CSMD1: variants seen among roughly 807,000 people sequenced by gnomAD.
CSMD1 encodes CUB and Sushi multiple domains 1.
In CSMD1, 213 loss-of-function variants were observed where a neutral mutation model predicts 417.5. That is an observed-to-expected ratio of 0.51 (90% CI 0.46 to 0.57). The LOEUF (loss-of-function observed/expected upper bound fraction) is 0.57, where lower values mean the gene tolerates loss of function less well. Among genes scored for constraint, CSMD1 ranks in the 20% least tolerant of loss-of-function variants. The probability of loss-of-function intolerance (pLI) is 0.00; values close to 1 mark genes in which losing one functional copy is unlikely to be tolerated. For synonymous variants in CSMD1, 2,862 were observed against 1,736.8 expected (o/e 1.65, Z -16.11); for missense variants, 6,923 against 4,529.7 (o/e 1.53, Z -15.17).
chr8:4,524,181 G>T (rs1025732459), intron 2 of CSMD1, among the ~76,000 whole-genome samples: 1 of 151,802 alleles, frequency 6.6e-6, no homozygotes, highest in Non-Finnish European at 1.5e-5. Flanking sequence ...AAGCAGTGGG[G>T]GAAGCTAGGG....
chr8:3,356,698 AAAAC>A (rs1808817591), intron 21 of CSMD1, among the ~76,000 whole-genome samples: 1 of 147,954 alleles, frequency 6.8e-6, no homozygotes, highest in Non-Finnish European at 1.5e-5. Flanking sequence ...CAACAACAAA[AAAAC>A]GTAATGGCAA....
intron 5 of CSMD1, among the ~76,000 whole-genome samples, chr8:3,959,004 T>G (rs2740839): frequency 0.68 from 103,242 of 151,666 alleles, 35,991 homozygotes; most frequent in East Asian, 0.93. Context: ...TGCGTCTCCC[T>G]CCTCCCTACT....
At chr8:4,491,630 T>C (rs564818186) in intron 2 of CSMD1, among the ~76,000 whole-genome samples, 2 of 152,228 alleles carry the variant, frequency 1.3e-5, no homozygotes, top group African/African-American at 2.4e-5. Context: ...TAAATAAGCA[T>C]ATGAAAAGAT....
At chr8:3,457,810 G>C (rs1179229286) in intron 12 of CSMD1, among the ~76,000 whole-genome samples, 2 of 152,170 alleles carry the variant, frequency 1.3e-5, no homozygotes, top group Non-Finnish European at 2.9e-5. Flanking sequence ...GTAAAAGTGG[G>C]TCCTTGTTGT....
intron 2 of CSMD1, among the ~76,000 whole-genome samples, chr8:4,466,351 T>C (rs945199826): frequency 1.3e-5 from 2 of 151,814 alleles, no homozygotes; most frequent in Non-Finnish European, 2.9e-5. Flanking sequence ...TTGACAGAGG[T>C]TGACAAGGAC....
At chr8:3,977,675 T>A (rs958722929) in intron 5 of CSMD1, among the ~76,000 whole-genome samples, 15 of 152,322 alleles carry the variant, frequency 9.8e-5, no homozygotes, top group Middle Eastern at 3.4e-3. Context: ...CTCATAAGAA[T>A]GTGGTAAATC....
At chr8:3,580,394 C>T (rs1049027360) in intron 9 of CSMD1, among the ~76,000 whole-genome samples, 24 of 152,042 alleles carry the variant, frequency 1.6e-4, no homozygotes, top group African/African-American at 5.6e-4. Context: ...ACAGGGATAC[C>T]TGGGGGGAGG....
chr8:4,748,055 C>T (rs1811069981), intron 1 of CSMD1, among the ~76,000 whole-genome samples: 1 of 152,180 alleles, frequency 6.6e-6, no homozygotes, highest in Non-Finnish European at 1.5e-5. Flanking sequence ...AAAAACAGGG[C>T]ACTCAGCTGT....
At chr8:3,045,627 TA>T (rs1177630796) in intron 50 of CSMD1, among the ~76,000 whole-genome samples, 2 of 152,298 alleles carry the variant, frequency 1.3e-5, no homozygotes, top group East Asian at 3.9e-4. Context: ...CATGCAATGT[TA>T]AAGTGGCACC....
At chr8:4,631,815 G>C (rs868218801) in intron 2 of CSMD1, among the ~76,000 whole-genome samples, 2 of 152,124 alleles carry the variant, frequency 1.3e-5, no homozygotes, top group Middle Eastern at 3.2e-3. Context: ...TCTTGTTAAA[G>C]TTAGAAAGAC....
At chr8:4,719,318 T>A (rs1453446810) in intron 1 of CSMD1, among the ~76,000 whole-genome samples, 2 of 151,370 alleles carry the variant, frequency 1.3e-5, no homozygotes, top group Non-Finnish European at 2.9e-5. Context: ...GAAATAAGGG[T>A]TTTCTAATCT....
At chr8:4,812,267 A>C (rs1300569903) in intron 1 of CSMD1, among the ~76,000 whole-genome samples, 2 of 152,158 alleles carry the variant, frequency 1.3e-5, no homozygotes, top group Non-Finnish European at 2.9e-5. Context: ...GAATAGTTCT[A>C]AGTTTGTCGG....
At chr8:4,461,737 AC>A (rs1799835912) in intron 2 of CSMD1, among the ~76,000 whole-genome samples, 4 of 88,832 alleles carry the variant, frequency 4.5e-5, no homozygotes, top group Non-Finnish European at 8.3e-5. Context: ...TTATTTATTT[AC>A]TTATTTTTTT....
chr8:3,171,568 C>T (rs1317548641), intron 37 of CSMD1, among the ~76,000 whole-genome samples: 3 of 152,160 alleles, frequency 2.0e-5, no homozygotes, highest in African/African-American at 7.2e-5. Context: ...TCCCTAGTTA[C>T]TTACCATGAA....
At chr8:4,165,493 G>A (rs1247109576) in intron 3 of CSMD1, among the ~76,000 whole-genome samples, 2 of 152,168 alleles carry the variant, frequency 1.3e-5, no homozygotes, top group Non-Finnish European at 2.9e-5. Flanking sequence ...AGCCTCAAGT[G>A]CCCAAGCTCA....
chr8:4,330,960 G>C (rs755436925), intron 3 of CSMD1, among the ~76,000 whole-genome samples: 3 of 152,042 alleles, frequency 2.0e-5, no homozygotes, highest in African/African-American at 2.4e-5. Flanking sequence ...ATAACTAAAT[G>C]CAAGACCCCC....
At chr8:4,260,365 A>T (rs538044386) in intron 3 of CSMD1, among the ~76,000 whole-genome samples, 1 of 152,152 alleles carries the variant, frequency 6.6e-6, no homozygotes, top group Non-Finnish European at 1.5e-5. Flanking sequence ...ATTGATTTGT[A>T]GGAGTTATTT....
intron 3 of CSMD1, among the ~76,000 whole-genome samples, chr8:4,309,340 T>C (rs1004867336): frequency 1.3e-5 from 2 of 152,094 alleles, no homozygotes; most frequent in East Asian, 1.9e-4. Context: ...AGATGAGAAG[T>C]TTTTTTAGGA....
intron 57 of CSMD1, 107 bp downstream of exon 57, chr8:2,973,010 T>C (rs1385717629): frequency 8.5e-6 from 9 of 1,062,526 alleles, no homozygotes; most frequent in Non-Finnish European, 1.2e-5. Context: ...TTTAATTGTA[T>C]AAATAGTACA....
Sources: allele counts gnomAD v4.1 joint callset (sites outside exome capture counted in the v4.1 genomes callset), GRCh38; gene constraint gnomAD v4.1.1; transcripts MANE v1.5; gene names NCBI Gene and HGNC (gene_info 2026-07-23, HGNC 2026-07-21).